Variants in MRPS5 observed in about 807,000 individuals in gnomAD.
MRPS5 encodes mitochondrial ribosomal protein S5, also known as small ribosomal subunit protein uS5m.
Under a neutral mutation model 51.9 loss-of-function variants are expected in MRPS5, and 27 were observed. That is an observed-to-expected ratio of 0.52 (90% confidence interval 0.38 to 0.72). The LOEUF (loss-of-function observed/expected upper bound fraction) is 0.72, where lower values mean the gene tolerates loss of function less well. Among genes scored for constraint, MRPS5 ranks in the 30% least tolerant of loss-of-function variants. MRPS5 has a pLI of 0.00. For missense variants in MRPS5, 570 were observed against 545.7 expected (o/e 1.04, Z -0.44); for synonymous variants, 196 against 193.2 (o/e 1.01, Z -0.12).
At chr2:95,094,381 G>C (rs1675558920) in intron 10 of MRPS5, among the ~76,000 whole-genome samples, 1 of 152,000 alleles carries the variant, frequency 6.6e-6, no homozygotes. Context: ...GAAATACAGA[G>C]AACACCACAA....
chr2:95,086,768 A>G lies in MRPS5; in HGVS notation c.*589T>C, dbSNP rs1279839395. ...TTAAATGGGCAAAGGCTCTGAATAG[A>G]CATTTCTCCAAAAAACATATACAAA... On this transcript the variant is annotated 3_prime_UTR_variant, in exon 12 of 12. Transcript: ENST00000272418. 1.3e-5 allele frequency among the ~76,000 whole-genome samples: 2 copies of G among 152,348 alleles called. No individual in the cohort carries two copies. The highest frequency in any genetic ancestry group is 3.9e-4 in the East Asian group (2 of 5,192).
In MRPS5 at chr2:95,117,938, T is replaced by C. The variant is rs375745826; in HGVS notation, c.66A>G (p.Leu22=). The C allele has an allele frequency of 1.2e-4, 193 of 1,594,228 alleles. No homozygotes were observed. Among genetic ancestry groups the C allele is most frequent in the Non-Finnish European group, 1.6e-4 (183 of 1,175,250 alleles). ...TGTTTAGGGAACACTGCCTCCCCAA[T>C]AAATGACCTGCAAATTGGAAAAAAA... ...PVLCSGTAGH[L]LGRQCSLNTL... is the part of the protein sequence containing the mutation. Residue 22 remains leucine, a synonymous_variant, in exon 2 of 12, where the codon TTA becomes TTG. Transcript: ENST00000272418.
In MRPS5 at chr2:95,089,672, T is replaced by A. The variant is rs187430602; in HGVS notation, c.1068+714A>T. On this transcript the variant is annotated intron_variant, in intron 11 of 11. Transcript: ENST00000272418. The stretch of plus-strand genomic sequence containing the variant: ...CCTACACAGGTAACAGGGAACTGAC[T>A]GTGCCTGCCCTGTGTGCAGAGGTGC... Among the ~76,000 whole-genome samples, 35 of 152,330 alleles carry A rather than the reference T, an allele frequency of 2.3e-4. 1 individual carries two copies. The highest frequency in any genetic ancestry group is 7.7e-4 in the African/African-American group (32 of 41,596).
intron 3 of MRPS5, among the ~76,000 whole-genome samples, 198 bp downstream of exon 3, chr2:95,114,868 C>T (rs1676237219): frequency 6.6e-6 from 1 of 152,106 alleles, no homozygotes; most frequent in Non-Finnish European, 1.5e-5. Flanking sequence ...GGGACTAAAG[C>T]AAACTAGTAC....
At chr2:95,104,790 G>C (rs1435436721) in intron 6 of MRPS5, 60 bp from the exon 7 acceptor site, 1 of 1,511,092 alleles carries the variant, frequency 6.6e-7, no homozygotes, top group African/African-American at 1.4e-5. Context: ...GAGGGAACTG[G>C]AGGGAGCCGC....
At chr2:95,099,468 A>T (rs1294709729) in intron 10 of MRPS5, among the ~76,000 whole-genome samples, 1 of 152,158 alleles carries the variant, frequency 6.6e-6, no homozygotes, top group African/African-American at 2.4e-5. Flanking sequence ...TCAATACAAT[A>T]ATATTTTTGA....
At chr2:95,121,682 C>G (rs1676457482) in intron 1 of MRPS5, 52 bp downstream of exon 1, 3 of 1,511,752 alleles carry the variant, frequency 2.0e-6, no homozygotes, top group East Asian at 5.3e-5. Flanking sequence ...CCAGGCGAGC[C>G]CCCCACTCCC....
At chr2:95,104,017 T>G (rs1675876342) in intron 7 of MRPS5, 1 of 152,482 alleles carries the variant, frequency 6.6e-6, no homozygotes, top group Non-Finnish European at 1.5e-5. Context: ...GTTCTTTTCC[T>G]TCAACAGACA....
intron 10 of MRPS5, among the ~76,000 whole-genome samples, chr2:95,094,819 CA>C: frequency 6.6e-6 from 1 of 152,180 alleles, no homozygotes. Flanking sequence ...GAAACTGCAT[CA>C]ACTAATGGGA....
chr2:95,118,290 C>A (rs1016777936), intron 1 of MRPS5, among the ~76,000 whole-genome samples: 2 of 152,206 alleles, frequency 1.3e-5, no homozygotes, highest in Admixed American at 6.5e-5. Context: ...TCAATCTCTC[C>A]CCCTCTGCTT....
chr2:95,104,675 A>G lies in MRPS5; in HGVS notation c.728T>C (p.Val243Ala). 6.2e-7 allele frequency: 1 copy of G among 1,614,168 alleles called. No individual in the cohort carries two copies. Among genetic ancestry groups the G allele is most frequent in the South Asian group, 1.1e-5 (1 of 91,084 alleles). ...TTTTCCGTTCCCCACAGCCACCAAG[A>G]CACGGATCGATTTCTTTCTTCCCTC... The part of the protein sequence containing the change: ...AKEGRKKSIR[V>A]LVAVGNGKGA... The change falls in exon 7 of 12, where the codon GTC (valine) becomes GCC (alanine). Residue 243 changes from valine to alanine, a missense_variant. Coordinates refer to ENST00000272418, the MANE Select transcript of MRPS5 (RefSeq NM_031902.5).
intron 1 of MRPS5, among the ~76,000 whole-genome samples, chr2:95,120,840 G>A (rs1326881813): frequency 6.6e-6 from 1 of 152,158 alleles, no homozygotes; most frequent in Admixed American, 6.5e-5. Context: ...AGCAGGAGAC[G>A]GCCGGGCGTG....
At chr2:95,112,471 T>C (rs1345276393) in intron 3 of MRPS5, among the ~76,000 whole-genome samples, 1 of 152,192 alleles carries the variant, frequency 6.6e-6, no homozygotes, top group Non-Finnish European at 1.5e-5. Context: ...GTAACACAGA[T>C]TGCTAATTTG....
chr2:95,110,126 G>A, intron 3 of MRPS5, 85 bp from the exon 4 acceptor site: 1 of 1,520,926 alleles, frequency 6.6e-7, no homozygotes, highest in Non-Finnish European at 8.9e-7. Flanking sequence ...AAGAGAAGTG[G>A]AGGTCAGCTT....
In MRPS5 at chr2:95,101,664, A is replaced by G; in HGVS notation, c.810+13T>C. The G allele has an allele frequency of 6.3e-7, 1 of 1,589,446 alleles. No individual in the cohort carries two copies. Among genetic ancestry groups the G allele is most frequent in the Non-Finnish European group, 8.5e-7 (1 of 1,172,712 alleles). ...TTTTACTGAGTGTCAACAAAGAAAA[A>G]AAATGTACATACTTTCCTGAAAGCA... On this transcript the variant is annotated intron_variant, in intron 8 of 11. Coordinates refer to ENST00000272418, the MANE Select transcript of MRPS5 (RefSeq NM_031902.5).
At chr2:95,106,757 A>T (rs1425675964) in intron 5 of MRPS5, 1 of 447,026 alleles carries the variant, frequency 2.2e-6, no homozygotes, top group Non-Finnish European at 4.1e-6. Context: ...CCTCCCTCTC[A>T]CGGCCTCTCC....
chr2:95,109,146 T>G (rs1048752560), intron 4 of MRPS5, among the ~76,000 whole-genome samples: 11 of 152,010 alleles, frequency 7.2e-5, no homozygotes, highest in African/African-American at 2.7e-4. Context: ...TAATCTACAT[T>G]TTTTACTGAG....
At chr2:95,112,510 C>T (rs994182735) in intron 3 of MRPS5, among the ~76,000 whole-genome samples, 7 of 152,202 alleles carry the variant, frequency 4.6e-5, no homozygotes, top group Non-Finnish European at 2.9e-5. Context: ...AGTGGATCCT[C>T]TACAGAAAAC....
At chr2:95,101,828 C>G (rs1031556959) in intron 7 of MRPS5, 105 bp from the exon 8 acceptor site, 3 of 700,022 alleles carry the variant, frequency 4.3e-6, no homozygotes, top group South Asian at 3.7e-5. Flanking sequence ...AGCACTTCAT[C>G]TTTCCACCAC....
Sources: allele counts gnomAD v4.1 joint callset (sites outside exome capture counted in the v4.1 genomes callset), GRCh38; gene constraint gnomAD v4.1.1; transcripts MANE v1.5; gene names NCBI Gene and HGNC (gene_info 2026-07-23, HGNC 2026-07-21).